The following PCGF6 variants were observed in gnomAD, a reference collection of about 807,000 sequenced individuals.
The protein encoded by PCGF6 is polycomb group ring finger 6, also known as polycomb group RING finger protein 6.
In PCGF6, 24 loss-of-function variants were observed where a neutral mutation model predicts 45.5. The observed-to-expected ratio is 0.53, with a 90% confidence interval of 0.38 to 0.74. The LOEUF (loss-of-function observed/expected upper bound fraction) is 0.74, where lower values mean the gene tolerates loss of function less well. Ranked by LOEUF, PCGF6 falls within the 30% of genes least tolerant of loss-of-function variation. PCGF6 has a pLI of 0.00. For synonymous variants in PCGF6, 152 were observed against 162.1 expected (o/e 0.94, Z 0.47); for missense variants, 356 against 443.2 (o/e 0.80, Z 1.77).
intron 9 of PCGF6, among the ~76,000 whole-genome samples, chr10:103,306,675 A>G (rs1245551333): frequency 3.3e-5 from 5 of 152,258 alleles, no homozygotes; most frequent in Non-Finnish European, 5.9e-5. Context: ...AATTCTAGAA[A>G]AAGGTTCACA....
intron 8 of PCGF6, among the ~76,000 whole-genome samples, chr10:103,317,696 T>C (rs923348093): frequency 3.3e-5 from 5 of 151,472 alleles, no homozygotes; most frequent in African/African-American, 1.2e-4. Flanking sequence ...AAAAAAATTG[T>C]AGAAAGTAGA....
intron 9 of PCGF6, among the ~76,000 whole-genome samples, chr10:103,311,123 A>G (rs1041826663): frequency 2.6e-5 from 4 of 151,944 alleles, no homozygotes; most frequent in African/African-American, 9.7e-5. Context: ...GGAGCAAGCG[A>G]CTATGCCTGG....
At chr10:103,326,512 C>T (rs1268327669) in intron 8 of PCGF6, 22 bp downstream of exon 8, 1 of 1,496,272 alleles carries the variant, frequency 6.7e-7, no homozygotes, top group Non-Finnish European at 9.1e-7. Flanking sequence ...TTTACCTATT[C>T]TTTTACATAT....
At chr10:103,322,874 C>A (rs1440972154) in intron 8 of PCGF6, among the ~76,000 whole-genome samples, 1 of 147,732 alleles carries the variant, frequency 6.8e-6, no homozygotes, top group Non-Finnish European at 1.5e-5. Flanking sequence ...GTTATCCTTG[C>A]CACCAAAAAA....
rs1441896529 is a variant in PCGF6, at chr10:103,349,913, T to C, written c.360+794A>G. Among the ~76,000 whole-genome samples, 5 of 151,530 alleles carry C rather than the reference T, an allele frequency of 3.3e-5. No individual in the cohort carries two copies. The South Asian group carries it at 1.0e-3, about 31-fold the overall frequency. On this transcript the variant is annotated intron_variant, in intron 1 of 9. Coordinates refer to ENST00000369847, the MANE Select transcript of PCGF6 (RefSeq NM_001011663.2). Reference sequence around the variant, plus strand: ...CTGGCTAACACGGTGAAACCCCGTCTCTACTAAAAATACAAAAAATAAGCC... The same window carrying C: ...CTGGCTAACACGGTGAAACCCCGTCCCTACTAAAAATACAAAAAATAAGCC...
At chr10:103,320,330 A>G (rs972252619) in intron 8 of PCGF6, among the ~76,000 whole-genome samples, 1 of 152,202 alleles carries the variant, frequency 6.6e-6, no homozygotes, top group Non-Finnish European at 1.5e-5. Context: ...AGTCTCTATG[A>G]GAAAGAAACA....
intron 8 of PCGF6, among the ~76,000 whole-genome samples, chr10:103,315,994 G>GTGTA (rs1479276491): frequency 1.1e-3 from 148 of 131,920 alleles, no homozygotes; most frequent in East Asian, 7.0e-3. Flanking sequence ...GTGTGTGTGT[G>GTGTA]TATATATATA....
At chr10:103,313,015 C>T (rs1388700434) in intron 9 of PCGF6, among the ~76,000 whole-genome samples, 1 of 152,148 alleles carries the variant, frequency 6.6e-6, no homozygotes, top group Non-Finnish European at 1.5e-5. Context: ...ACTATAGATT[C>T]AGAAATACAT....
rs1213880259 is a variant in PCGF6, at chr10:103,303,847, G to A, written c.*58C>T. ...ATTACATTTCATGGAAATCTTTGGT[G>A]AGATGCAGTCCTGCAGAAGCCTCCT... is the stretch of plus-strand genomic sequence containing the variant. On this transcript the variant is annotated 3_prime_UTR_variant, in exon 10 of 10. Coordinates refer to ENST00000369847, the MANE Select transcript of PCGF6 (RefSeq NM_001011663.2). The A allele has an allele frequency of 5.7e-6, 8 of 1,403,478 alleles. No homozygotes were observed. The highest frequency in any genetic ancestry group is 5.6e-5 in the Admixed American group (3 of 53,130). 86.9% of individuals were successfully genotyped at this position (1,403,478 alleles called of 1,614,324 possible).
chr10:103,338,958 C>T (rs1446423018), intron 6 of PCGF6, among the ~76,000 whole-genome samples: 1 of 152,152 alleles, frequency 6.6e-6, no homozygotes, highest in Admixed American at 6.6e-5. Context: ...GCTGAACCCA[C>T]CTCAGTGTTT....
chr10:103,323,442 A>G (rs1268316719), intron 8 of PCGF6, among the ~76,000 whole-genome samples: 1 of 151,970 alleles, frequency 6.6e-6, no homozygotes, highest in African/African-American at 2.4e-5. Flanking sequence ...GATTACAAGC[A>G]TGCGCCACCA....
At chr10:103,350,607 C>A in intron 1 of PCGF6, 100 bp downstream of exon 1, 2 of 1,203,594 alleles carry the variant, frequency 1.7e-6, no homozygotes, top group Non-Finnish European at 2.2e-6. Flanking sequence ...CTCCGCGCGG[C>A]GGCGGCGCAC....
chr10:103,337,508 C>T (rs72846196), intron 6 of PCGF6, among the ~76,000 whole-genome samples: 2 of 152,294 alleles, frequency 1.3e-5, no homozygotes, highest in Non-Finnish European at 2.9e-5. Flanking sequence ...CCAAGGGTTA[C>T]CTACTCTGAG....
Position 103,322,964 on chromosome 10 carries a change from T to C in PCGF6, c.909+3570A>G, listed in dbSNP as rs530227675. On this transcript the variant is annotated intron_variant, in intron 8 of 9. Transcript: ENST00000369847. ...ACACACACAGACACATAAATAGCCA[T>C]AGAATAATCTGTATTCTAGAGAGGG... Among the ~76,000 whole-genome samples, 37 of 151,302 alleles carry C rather than the reference T, an allele frequency of 2.4e-4. No individual in the cohort carries two copies. The East Asian group carries it at 3.5e-3, about 14-fold the overall frequency.
intron 8 of PCGF6, among the ~76,000 whole-genome samples, chr10:103,322,737 T>C (rs1407692677): frequency 3.3e-5 from 5 of 151,880 alleles, no homozygotes; most frequent in Non-Finnish European, 7.4e-5. Flanking sequence ...GGCAGGAGAA[T>C]TGCTGGAACC....
chr10:103,307,796 A>G (rs910224972), intron 9 of PCGF6, among the ~76,000 whole-genome samples: 3 of 152,188 alleles, frequency 2.0e-5, no homozygotes, highest in African/African-American at 7.2e-5. Flanking sequence ...TGATGCTTGC[A>G]CAATCATTAA....
intron 6 of PCGF6, among the ~76,000 whole-genome samples, chr10:103,340,194 A>ATATATATATAT (rs1313278844): frequency 2.8e-5 from 3 of 106,548 alleles, no homozygotes; most frequent in African/African-American, 1.2e-4. Context: ...AAAAAAAAAA[A>ATATATATATAT]AAAAATATAT....
At chr10:103,349,409 C>T (rs999669264) in intron 1 of PCGF6, among the ~76,000 whole-genome samples, 1 of 151,746 alleles carries the variant, frequency 6.6e-6, no homozygotes, top group Non-Finnish European at 1.5e-5. Flanking sequence ...AAACATACAC[C>T]TCCAACCCAT....
At chr10:103,344,974 A>G in intron 6 of PCGF6, 50 bp downstream of exon 6, 1 of 1,255,368 alleles carries the variant, frequency 8.0e-7, no homozygotes, top group Non-Finnish European at 1.1e-6. Flanking sequence ...ATTTCCTATT[A>G]GGACTTTTAA....
Sources: allele counts gnomAD v4.1 joint callset (sites outside exome capture counted in the v4.1 genomes callset), GRCh38; gene constraint gnomAD v4.1.1; transcripts MANE v1.5; gene names NCBI Gene and HGNC (gene_info 2026-07-23, HGNC 2026-07-21).